The following LRMDA variants were observed in gnomAD, a reference collection of about 807,000 sequenced individuals.
The protein encoded by LRMDA is leucine-rich melanocyte differentiation-associated protein.
A neutral mutation model predicts 29.8 loss-of-function variants in LRMDA; 18 were observed. That is an observed-to-expected ratio of 0.60 (90% confidence interval 0.42 to 0.90). The LOEUF is 0.90. LRMDA is among the 40% of genes least tolerant of loss of function. The pLI, the probability that LRMDA is intolerant of heterozygous loss-of-function variation, is 0.00. For synonymous variants in LRMDA, 125 were observed against 109.4 expected, an observed-to-expected ratio of 1.14 and a Z score of -0.89; for missense variants, 273 against 273.9, an observed-to-expected ratio of 1.00 and a Z score of 0.02.
At chr10:75,828,924 G>C (rs898587087) in intron 2 of LRMDA, among the ~76,000 whole-genome samples, 3 of 152,110 alleles carry the variant, frequency 2.0e-5, no homozygotes, top group African/African-American at 7.2e-5. Context: ...GGGAAACAAG[G>C]GGGTGGGAAA....
intron 6 of LRMDA, among the ~76,000 whole-genome samples, chr10:76,535,259 G>T (rs1843278017): frequency 6.6e-6 from 1 of 152,102 alleles, no homozygotes; most frequent in African/African-American, 2.4e-5. Flanking sequence ...GGGAAGGAAG[G>T]AATAAAAGAA....
intron 5 of LRMDA, among the ~76,000 whole-genome samples, chr10:76,264,315 G>C (rs1400387890): frequency 1.3e-5 from 2 of 149,682 alleles, no homozygotes; most frequent in Admixed American, 6.7e-5. Context: ...GCTGAGGCAT[G>C]AGAATTTCTT....
Position 75,729,394 on chromosome 10 carries a change from G to A in LRMDA, c.131+290900G>A, listed in dbSNP as rs146750621. On this transcript the variant is annotated intron_variant, in intron 2 of 6. Coordinates refer to ENST00000611255, the MANE Select transcript of LRMDA (RefSeq NM_001305581.2). ...TGGATCGCCAGCTTCATCCTTCATC[G>A]TCCTCTCAGGAGTTCCTGATCTTTC... is the stretch of plus-strand genomic sequence containing the variant. Among the ~76,000 whole-genome samples the A allele has an allele frequency of 5.6e-3, 847 of 152,276 alleles. 43 individuals carry two copies. Among genetic ancestry groups the A allele is most frequent in the Non-Finnish European group, 1.1e-3 (72 of 68,038 alleles).
intron 2 of LRMDA, among the ~76,000 whole-genome samples, chr10:75,814,757 G>A (rs561303161): frequency 1.3e-5 from 2 of 152,352 alleles, no homozygotes; most frequent in East Asian, 3.9e-4. Context: ...ATACACAGCA[G>A]AGCCTTTCCA....
At chr10:76,444,807 ATGTG>A (rs1225924794) in intron 6 of LRMDA, among the ~76,000 whole-genome samples, 1 of 152,078 alleles carries the variant, frequency 6.6e-6, no homozygotes, top group Non-Finnish European at 1.5e-5. Context: ...CAGTATGTAT[ATGTG>A]TGTGTGTATC....
intron 5 of LRMDA, among the ~76,000 whole-genome samples, chr10:76,132,986 T>TG: frequency 7.1e-6 from 1 of 140,074 alleles, no homozygotes; most frequent in African/African-American, 2.7e-5. Flanking sequence ...TTTTTTTTTT[T>TG]TTTTTTTTGT....
chr10:75,932,224 T>A (rs1361060251), intron 2 of LRMDA, among the ~76,000 whole-genome samples: 1 of 152,222 alleles, frequency 6.6e-6, no homozygotes, highest in African/African-American at 2.4e-5. Context: ...ACAGATTTCA[T>A]CTATGATTTT....
At chr10:75,823,346 A>G (rs1351004042) in intron 2 of LRMDA, among the ~76,000 whole-genome samples, 1 of 152,196 alleles carries the variant, frequency 6.6e-6, no homozygotes, top group East Asian at 1.9e-4. Context: ...CAGCTAACAA[A>G]CATGAAAAAC....
At chr10:76,534,867 C>T (rs1011132825) in intron 6 of LRMDA, among the ~76,000 whole-genome samples, 9 of 152,126 alleles carry the variant, frequency 5.9e-5, no homozygotes, top group South Asian at 2.1e-4. Context: ...GGAGCTAGTA[C>T]CAGCATCTAG....
intron 2 of LRMDA, among the ~76,000 whole-genome samples, chr10:75,612,711 G>A (rs1221152299): frequency 2.7e-5 from 4 of 150,452 alleles, no homozygotes; most frequent in African/African-American, 9.7e-5. Flanking sequence ...GCAATAGTGT[G>A]GATAAGAACT....
At chr10:75,981,969 T>G (rs1214911994) in intron 2 of LRMDA, among the ~76,000 whole-genome samples, 1 of 150,856 alleles carries the variant, frequency 6.6e-6, no homozygotes, top group South Asian at 2.1e-4. Context: ...AGTTTGGGAG[T>G]GTTGATTTGC....
intron 2 of LRMDA, among the ~76,000 whole-genome samples, chr10:75,575,291 C>CA (rs1250642088): frequency 1.3e-5 from 2 of 152,176 alleles, no homozygotes; most frequent in African/African-American, 4.8e-5. Context: ...ATGTCCTTCT[C>CA]ACATTTTGAA....
At chr10:76,419,539 G>C (rs1842052242) in intron 6 of LRMDA, among the ~76,000 whole-genome samples, 2 of 152,032 alleles carry the variant, frequency 1.3e-5, no homozygotes, top group Non-Finnish European at 2.9e-5. Context: ...TCTGTGTGCA[G>C]GTTTTTGTGT....
At chr10:76,078,104 G>A (rs1036315902) in intron 5 of LRMDA, among the ~76,000 whole-genome samples, 9 of 139,816 alleles carry the variant, frequency 6.4e-5, no homozygotes, top group Middle Eastern at 3.9e-3. Context: ...TCTGCCTCCC[G>A]GGTTCAGGCT....
intron 2 of LRMDA, among the ~76,000 whole-genome samples, chr10:76,001,982 A>G (rs973594240): frequency 2.0e-5 from 3 of 152,068 alleles, no homozygotes; most frequent in Admixed American, 1.3e-4. Flanking sequence ...TCTACTTGCC[A>G]TGGTGTCTTA....
chr10:76,000,796 T>C (rs1483905513), intron 2 of LRMDA, among the ~76,000 whole-genome samples: 41 of 152,156 alleles, frequency 2.7e-4, no homozygotes. Context: ...TGAGGGTTTC[T>C]TGGAAGTCTG....
chr10:75,458,142 G>A (rs1844542315), intron 2 of LRMDA, among the ~76,000 whole-genome samples: 1 of 152,218 alleles, frequency 6.6e-6, no homozygotes, highest in South Asian at 2.1e-4. Context: ...AAGGAGTTGT[G>A]AAGACCAAAT....
At chr10:76,294,374 G>A (rs1429417226) in intron 5 of LRMDA, among the ~76,000 whole-genome samples, 1 of 152,158 alleles carries the variant, frequency 6.6e-6, no homozygotes, top group Non-Finnish European at 1.5e-5. Context: ...GCTCATCTAA[G>A]TATTTACCTT....
intron 5 of LRMDA, among the ~76,000 whole-genome samples, chr10:76,093,809 T>TC (rs1164450837): frequency 6.6e-6 from 1 of 152,100 alleles, no homozygotes; most frequent in African/African-American, 2.4e-5. Flanking sequence ...GGTCTCACGT[T>TC]CCCCCACCTG....
Sources: allele counts gnomAD v4.1 joint callset (sites outside exome capture counted in the v4.1 genomes callset), GRCh38; gene constraint gnomAD v4.1.1; transcripts MANE v1.5; gene names NCBI Gene and HGNC (gene_info 2026-07-23, HGNC 2026-07-21).